The following SAMD7 variants were observed in gnomAD, a reference collection of about 807,000 sequenced individuals.
The protein encoded by SAMD7 is sterile alpha motif domain containing 7.
A neutral mutation model predicts 36.7 loss-of-function variants in SAMD7; 34 were observed. The ratio of observed to expected loss-of-function variants is 0.93; its 90% CI spans 0.71 to 1.23. The LOEUF (loss-of-function observed/expected upper bound fraction) is 1.23, where lower values mean the gene tolerates loss of function less well. Among genes scored for constraint, SAMD7 ranks in the 50% most tolerant of loss-of-function variants. The pLI is 0.00. For missense variants in SAMD7, 570 were observed against 546.6 expected (o/e 1.04, Z -0.43); for synonymous variants, 188 against 189.7 (o/e 0.99, Z 0.07).
intron 4 of SAMD7, among the ~76,000 whole-genome samples, chr3:169,923,051 G>A (rs1018898311): frequency 6.6e-6 from 1 of 152,162 alleles, no homozygotes; most frequent in African/African-American, 2.4e-5. Context: ...TCCTCAAAAT[G>A]TTGAAGCTCA....
intron 7 of SAMD7, among the ~76,000 whole-genome samples, chr3:169,931,389 T>C (rs2108264395): frequency 6.6e-6 from 1 of 152,236 alleles, no homozygotes; most frequent in African/African-American, 2.4e-5. Context: ...CTCACACATT[T>C]CAGTCCCCTG....
intron 6 of SAMD7, among the ~76,000 whole-genome samples, chr3:169,927,846 A>G (rs1312492907): frequency 3.3e-5 from 5 of 152,196 alleles, no homozygotes; most frequent in African/African-American, 1.2e-4. Context: ...TGTGAATTCT[A>G]TCTCCCTGAT....
At chr3:169,925,777 A>T (rs769657596) in intron 5 of SAMD7, among the ~76,000 whole-genome samples, 2 of 152,212 alleles carry the variant, frequency 1.3e-5, no homozygotes, top group Admixed American at 1.3e-4. Context: ...ATTAGTACAC[A>T]GATTGCAAAA....
intron 7 of SAMD7, among the ~76,000 whole-genome samples, chr3:169,935,316 G>A (rs1478034622): frequency 1.3e-5 from 2 of 152,154 alleles, no homozygotes; most frequent in Non-Finnish European, 2.9e-5. Context: ...AGAGAAAAGA[G>A]GGAATTATCT....
intron 2 of SAMD7, among the ~76,000 whole-genome samples, chr3:169,916,530 G>A (rs1227249902): frequency 6.6e-6 from 1 of 151,982 alleles, no homozygotes; most frequent in Non-Finnish European, 1.5e-5. Flanking sequence ...TGCCTGTAAT[G>A]CCAGCTACCG....
intron 2 of SAMD7, among the ~76,000 whole-genome samples, chr3:169,918,900 A>G (rs903004266): frequency 2.0e-5 from 3 of 152,218 alleles, no homozygotes; most frequent in East Asian, 1.9e-4. Flanking sequence ...TAATCCCAGC[A>G]CTTTGGGAGG....
At chr3:169,912,458 A>G (rs192437412) in intron 1 of SAMD7, among the ~76,000 whole-genome samples, 2 of 152,368 alleles carry the variant, frequency 1.3e-5, no homozygotes, top group South Asian at 2.1e-4. Context: ...AGATTTATAT[A>G]TAATGGACTT....
At chr3:169,932,019 A>G in intron 7 of SAMD7, 1 of 724,712 alleles carries the variant, frequency 1.4e-6, no homozygotes, top group South Asian at 2.5e-5. Context: ...GCAGCGAGTC[A>G]TGCTGTTAGC....
intron 7 of SAMD7, among the ~76,000 whole-genome samples, chr3:169,931,799 C>T (rs564603227): frequency 6.6e-6 from 1 of 152,042 alleles, no homozygotes; most frequent in Non-Finnish European, 1.5e-5. Flanking sequence ...TGGGGCTGCC[C>T]CTCCTCGGGG....
intron 7 of SAMD7, among the ~76,000 whole-genome samples, chr3:169,933,923 G>T (rs916864421): frequency 2.6e-5 from 4 of 152,238 alleles, no homozygotes; most frequent in African/African-American, 9.6e-5. Flanking sequence ...TCTAAAGTGA[G>T]ACCTGAAAGT....
chr3:169,935,385 A>C (rs934025821), intron 7 of SAMD7, among the ~76,000 whole-genome samples: 9 of 152,178 alleles, frequency 5.9e-5, no homozygotes, highest in African/African-American at 2.2e-4. Flanking sequence ...GATCGTCTTT[A>C]AATGGTGGAG....
intron 4 of SAMD7, among the ~76,000 whole-genome samples, chr3:169,924,700 A>G (rs1350165299): frequency 2.0e-5 from 3 of 152,244 alleles, no homozygotes; most frequent in Non-Finnish European, 4.4e-5. Context: ...ACATATATCA[A>G]AACATCAAGT....
chr3:169,932,447 G>A (rs1320068119), intron 7 of SAMD7: 4 of 610,140 alleles, frequency 6.6e-6, no homozygotes, highest in Admixed American at 3.7e-5. Flanking sequence ...ACAATGCGGA[G>A]GTAGCAGCCT....
At chr3:169,919,733 C>T (rs1325906746) in intron 3 of SAMD7, 149 bp downstream of exon 3, 4 of 702,814 alleles carry the variant, frequency 5.7e-6, no homozygotes, top group Non-Finnish European at 1.0e-5. Flanking sequence ...ACCCTGCTGG[C>T]CTCACCTTCA....
chr3:169,917,128 G>C (rs7636452), intron 2 of SAMD7, among the ~76,000 whole-genome samples: 100,648 of 152,142 alleles, frequency 0.66, 33,687 homozygotes, highest in East Asian at 0.75. Context: ...ATGGCAAAAG[G>C]TGATGTTAGG....
At chr3:169,930,068 T>C (rs1186921904) in intron 7 of SAMD7, among the ~76,000 whole-genome samples, 2 of 152,240 alleles carry the variant, frequency 1.3e-5, no homozygotes, top group Non-Finnish European at 2.9e-5. Flanking sequence ...GAATTTGAAC[T>C]CTGATTATTC....
chr3:169,937,205 C>A (rs1713750677), intron 8 of SAMD7, among the ~76,000 whole-genome samples: 1 of 152,144 alleles, frequency 6.6e-6, no homozygotes, highest in Admixed American at 6.5e-5. Flanking sequence ...CCATCCTGGT[C>A]TCAGGCACCA....
intron 7 of SAMD7, among the ~76,000 whole-genome samples, chr3:169,935,666 A>G (rs1713690753): frequency 6.6e-6 from 1 of 152,214 alleles, no homozygotes; most frequent in Non-Finnish European, 1.5e-5. Context: ...ATTTCCAGGC[A>G]AGTTGAAGTT....
At chr3:169,936,832 C>T (rs991766428) in intron 8 of SAMD7, among the ~76,000 whole-genome samples, 8 of 152,012 alleles carry the variant, frequency 5.3e-5, no homozygotes, top group African/African-American at 1.5e-4. Context: ...CTCGGGAGTG[C>T]TGCCCTCCTC....
Sources: allele counts gnomAD v4.1 joint callset (sites outside exome capture counted in the v4.1 genomes callset), GRCh38; gene constraint gnomAD v4.1.1; transcripts MANE v1.5; gene names NCBI Gene and HGNC (gene_info 2026-07-23, HGNC 2026-07-21).